ZCCHC17: variants seen among roughly 807,000 people sequenced by gnomAD.
ZCCHC17 encodes zinc finger CCHC-type containing 17.
A neutral mutation model predicts 30.6 loss-of-function variants in ZCCHC17; 18 were observed. The ratio of observed to expected loss-of-function variants is 0.59; its 90% CI spans 0.41 to 0.87. The LOEUF is 0.87. Ranked by LOEUF, ZCCHC17 falls within the 40% of genes least tolerant of loss-of-function variation. The probability of loss-of-function intolerance (pLI) is 0.00; values close to 1 mark genes in which losing one functional copy is unlikely to be tolerated. For missense variants in ZCCHC17, 263 were observed against 284.2 expected (o/e 0.93, Z 0.54); for synonymous variants, 88 against 92.4 (o/e 0.95, Z 0.27).
At chr1:31,355,965 C>T (rs1639629714) in intron 7 of ZCCHC17, among the ~76,000 whole-genome samples, 1 of 152,154 alleles carries the variant, frequency 6.6e-6, no homozygotes, top group Non-Finnish European at 1.5e-5. Context: ...CAGGACTAGT[C>T]AGCTCTGGGA....
chr1:31,305,022 C>T (rs1646416770), intron 1 of ZCCHC17, among the ~76,000 whole-genome samples: 1 of 152,210 alleles, frequency 6.6e-6, no homozygotes, highest in African/African-American at 2.4e-5. Context: ...AATTCTCACT[C>T]ACTCCCCCTT....
In ZCCHC17 at chr1:31,364,041, A is replaced by C; in HGVS notation, c.574A>C (p.Lys192Gln). Residue 192 changes from lysine to glutamine, a missense_variant, in exon 8 of 8, where the codon AAA becomes CAA. Coordinates refer to ENST00000344147, the MANE Select transcript of ZCCHC17 (RefSeq NM_016505.4). ...PSRKRKKEKK[K>Q]KKHRDRKSSD... ...AAAATTTTCTTTTCAGGAGAAGAAGAAAAAGAAACATAGAGATAGGAAGTC... is the reference window on the plus strand; with the variant it reads ...AAAATTTTCTTTTCAGGAGAAGAAGCAAAAGAAACATAGAGATAGGAAGTC... 1.9e-6 allele frequency: 3 copies of C among 1,607,198 alleles called. No individual in the cohort carries two copies. Among genetic ancestry groups the C allele is most frequent in the Non-Finnish European group, 2.5e-6 (3 of 1,178,264 alleles).
chr1:31,340,315 GTTTTTTT>G (rs71028757), intron 5 of ZCCHC17, among the ~76,000 whole-genome samples: 2 of 95,092 alleles, frequency 2.1e-5, no homozygotes, highest in Non-Finnish European at 4.2e-5. Flanking sequence ...ATCTTGGAGG[GTTTTTTT>G]TTTTTTTTTT....
chr1:31,352,797 A>G (rs534652571), intron 7 of ZCCHC17, among the ~76,000 whole-genome samples: 103 of 152,266 alleles, frequency 6.8e-4, no homozygotes, highest in Admixed American at 1.1e-3. Flanking sequence ...TTTGGTGAAC[A>G]CTTGGGCTGC....
intron 3 of ZCCHC17, among the ~76,000 whole-genome samples, chr1:31,322,872 C>T (rs760065661): frequency 1.3e-5 from 2 of 152,044 alleles, no homozygotes; most frequent in African/African-American, 2.4e-5. Context: ...CAGGTGTGCA[C>T]CACCATGCCT....
intron 3 of ZCCHC17, among the ~76,000 whole-genome samples, chr1:31,322,973 G>T (rs561770198): frequency 1.3e-5 from 2 of 152,222 alleles, no homozygotes; most frequent in East Asian, 3.9e-4. Context: ...GCCCGTCTTG[G>T]CCTCCCAAAG....
At chr1:31,353,871 T>C (rs1284075453) in intron 7 of ZCCHC17, among the ~76,000 whole-genome samples, 2 of 152,234 alleles carry the variant, frequency 1.3e-5, no homozygotes, top group Non-Finnish European at 2.9e-5. Context: ...TGTAGCTTTT[T>C]AGTAAGCTTT....
Position 31,364,101 on chromosome 1 carries a change from A to T in ZCCHC17, c.634A>T (p.Thr212Ser). 6.2e-7 allele frequency: 1 copy of T among 1,613,928 alleles called. No individual in the cohort carries two copies. Residue 212 changes from threonine (T) to serine (S), a missense_variant, in exon 8 of 8, where the codon ACA becomes TCA. Physicochemically the swap from Thr to Ser is moderately conservative, Grantham distance 58. Transcript: ENST00000344147. ...TGACAGCTCAGACTCTGAGAGTGATACAGGCAAGAGGGCAAGGCACACATC... is the reference window on the plus strand; with the variant it reads ...TGACAGCTCAGACTCTGAGAGTGATTCAGGCAAGAGGGCAAGGCACACATC... ...DSDSSDSESD[T>S]GKRARHTSKD...
At chr1:31,358,020 C>G (rs1226009872) in intron 7 of ZCCHC17, among the ~76,000 whole-genome samples, 1 of 152,144 alleles carries the variant, frequency 6.6e-6, no homozygotes, top group Admixed American at 6.5e-5. Flanking sequence ...TCCCAAAATG[C>G]TGGGATTACA....
chr1:31,354,470 C>T (rs760842251), intron 7 of ZCCHC17, among the ~76,000 whole-genome samples: 7 of 151,986 alleles, frequency 4.6e-5, no homozygotes, highest in African/African-American at 1.2e-4. Context: ...GTCACATGAT[C>T]GTGGCTCACT....
intron 7 of ZCCHC17, among the ~76,000 whole-genome samples, chr1:31,350,998 G>T (rs183410470): frequency 2.6e-5 from 4 of 152,212 alleles, no homozygotes; most frequent in African/African-American, 9.6e-5. Flanking sequence ...AAGATATAAA[G>T]CACTGACAAG....
chr1:31,345,562 A>ATTATATTATATATATATATTATTATATAT (rs71035094), intron 5 of ZCCHC17, among the ~76,000 whole-genome samples: 1 of 99,824 alleles, frequency 1.0e-5, no homozygotes, highest in African/African-American at 4.0e-5. Flanking sequence ...ATATATATAT[A>ATTATATTATATATATATATTATTATATAT]ATATAATATA....
chr1:31,314,252 C>G (rs1402153785), intron 2 of ZCCHC17, among the ~76,000 whole-genome samples: 1 of 152,014 alleles, frequency 6.6e-6, no homozygotes, highest in Non-Finnish European at 1.5e-5. Flanking sequence ...TAGGAATGTT[C>G]AGAGAGAACT....
chr1:31,307,321 G>A (rs1419838666), intron 1 of ZCCHC17, among the ~76,000 whole-genome samples: 1 of 152,030 alleles, frequency 6.6e-6, no homozygotes, highest in East Asian at 1.9e-4. Context: ...TCTACAAGAG[G>A]TATAAATCTG....
chr1:31,325,348 A>G (rs944558153), intron 3 of ZCCHC17, among the ~76,000 whole-genome samples: 1 of 152,218 alleles, frequency 6.6e-6, no homozygotes, highest in African/African-American at 2.4e-5. Context: ...GAATGGCGGG[A>G]CTGAAAGAGC....
intron 7 of ZCCHC17, among the ~76,000 whole-genome samples, chr1:31,361,366 T>C (rs1280486352): frequency 6.6e-6 from 1 of 152,242 alleles, no homozygotes; most frequent in Non-Finnish European, 1.5e-5. Context: ...TCCCACTAAG[T>C]GCCTATAATG....
chr1:31,314,145 G>A (rs1646674084), intron 2 of ZCCHC17, among the ~76,000 whole-genome samples: 2 of 152,178 alleles, frequency 1.3e-5, no homozygotes, highest in African/African-American at 4.8e-5. Context: ...GATTACAGGT[G>A]TGAGCCACTG....
At chr1:31,321,142 G>A (rs1271921995) in intron 3 of ZCCHC17, among the ~76,000 whole-genome samples, 1 of 152,098 alleles carries the variant, frequency 6.6e-6, no homozygotes, top group African/African-American at 2.4e-5. Context: ...ATCTTGAATT[G>A]TAGTTCTCGT....
intron 3 of ZCCHC17, among the ~76,000 whole-genome samples, chr1:31,334,469 A>G (rs1638737574): frequency 6.6e-6 from 1 of 151,710 alleles, no homozygotes; most frequent in Non-Finnish European, 1.5e-5. Flanking sequence ...TTTAGACAGG[A>G]TGACTGATTT....
Sources: allele counts gnomAD v4.1 joint callset (sites outside exome capture counted in the v4.1 genomes callset), GRCh38; gene constraint gnomAD v4.1.1; transcripts MANE v1.5; gene names NCBI Gene and HGNC (gene_info 2026-07-23, HGNC 2026-07-21).